Variants in ST3GAL1 observed in about 807,000 individuals in gnomAD.
The protein encoded by ST3GAL1 is ST3 beta-galactoside alpha-2,3-sialyltransferase 1.
A neutral mutation model predicts 34.1 loss-of-function variants in ST3GAL1; 16 were observed. That is an observed-to-expected ratio of 0.47 (90% CI 0.32 to 0.71). ST3GAL1 has a LOEUF of 0.71. Ranked by LOEUF, ST3GAL1 falls within the 30% of genes least tolerant of loss-of-function variation. ST3GAL1 has a pLI of 0.04. For missense variants in ST3GAL1, 353 were observed against 447.4 expected, an observed-to-expected ratio of 0.79 and a Z score of 1.90; for synonymous variants, 191 against 184.7, an observed-to-expected ratio of 1.03 and a Z score of -0.28.
At position 133,469,299 on chromosome 8, in the gene ST3GAL1, A is replaced by C. The variant is rs144356233; in HGVS notation, c.307-3209T>G. On this transcript the variant is annotated intron_variant, in intron 5 of 9. Coordinates refer to ENST00000522652, the MANE Select transcript of ST3GAL1 (RefSeq NM_173344.3). The surrounding 1 kb of genome is among the most constrained non-coding windows in gnomAD (Gnocchi z 4.3). ...AGTGGTGCGATCTCGGCTCACTGCA[A>C]CCTCTACCTCCTGGGTTCAAGGGAT... Among the ~76,000 whole-genome samples, 119 of 152,128 alleles carry C rather than the reference A, an allele frequency of 7.8e-4. No homozygotes were observed. The highest frequency in any genetic ancestry group is 3.4e-3 in the Middle Eastern group (1 of 294).
In ST3GAL1 at chr8:133,483,707, C is replaced by T. The variant is rs184950954; in HGVS notation, c.-373-7107G>A. On this transcript the variant is annotated intron_variant, in intron 3 of 9. Transcript: ENST00000522652. The stretch of plus-strand genomic sequence containing the variant: ...TCCCGTGGCCAAGACCTCCCAGGAC[C>T]TGCAGGAAGGAGCTCCTAACACACT... 1.2e-4 allele frequency among the ~76,000 whole-genome samples: 19 copies of T among 152,304 alleles called. No homozygotes were observed. In the East Asian group the frequency reaches 3.5e-3, roughly 28 times the overall value.
intron 5 of ST3GAL1, among the ~76,000 whole-genome samples, chr8:133,470,870 C>T (rs1050512010): frequency 2.0e-5 from 3 of 152,142 alleles, no homozygotes; most frequent in Admixed American, 6.5e-5. Context: ...ACCCTGCACT[C>T]GGGCATGATC....
chr8:133,526,306 G>A (rs1201956314), intron 2 of ST3GAL1, among the ~76,000 whole-genome samples: 1 of 152,106 alleles, frequency 6.6e-6, no homozygotes, highest in Non-Finnish European at 1.5e-5. Flanking sequence ...TCATTCCCCA[G>A]CCAGAGTCTG....
At chr8:133,532,681 T>C (rs1313050080) in intron 2 of ST3GAL1, among the ~76,000 whole-genome samples, 1 of 152,194 alleles carries the variant, frequency 6.6e-6, no homozygotes, top group African/African-American at 2.4e-5. Flanking sequence ...GCTCGTGTGA[T>C]GCCATACTCT....
intron 2 of ST3GAL1, among the ~76,000 whole-genome samples, chr8:133,527,955 G>A (rs925621571): frequency 3.3e-5 from 5 of 151,462 alleles, no homozygotes; most frequent in Non-Finnish European, 5.9e-5. Flanking sequence ...TGGGCAGATC[G>A]AAGTCAAGAG....
intron 3 of ST3GAL1, among the ~76,000 whole-genome samples, chr8:133,490,588 T>A (rs550258728): frequency 7.2e-5 from 11 of 152,136 alleles, no homozygotes; most frequent in Admixed American, 7.2e-4. Context: ...GGCATAGCAC[T>A]GATGGAGGAG....
rs373822897 is a variant in ST3GAL1, at chr8:133,466,773, C to T, written c.307-683G>A. The stretch of plus-strand genomic sequence containing the variant: ...GTTTGCTGGATGCACAAGGCTTCTG[C>T]GATCTGCCTAGCAAATTGTTTTCAT... On this transcript the variant is annotated intron_variant, in intron 5 of 9. Transcript: ENST00000522652. The surrounding 1 kb of genome is among the most constrained non-coding windows in gnomAD (Gnocchi z 4.4). Among the ~76,000 whole-genome samples the T allele has an allele frequency of 6.6e-6, 1 of 152,318 alleles. No individual in the cohort carries two copies. Among genetic ancestry groups the T allele is most frequent in the Middle Eastern group, 3.4e-3 (1 of 294 alleles).
chr8:133,540,593 G>A (rs535566240), intron 2 of ST3GAL1, among the ~76,000 whole-genome samples: 6 of 151,516 alleles, frequency 4.0e-5, no homozygotes, highest in East Asian at 3.9e-4. Context: ...TTTCCTGTCC[G>A]TCATGTGACT....
intron 2 of ST3GAL1, among the ~76,000 whole-genome samples, chr8:133,513,899 GAA>G (rs768065676): frequency 2.9e-5 from 4 of 137,102 alleles, no homozygotes; most frequent in Admixed American, 7.3e-5. Flanking sequence ...ACTCTGTCTG[GAA>G]AAAAAAAAAA....
In ST3GAL1 at chr8:133,541,112, T is replaced by TAA. The variant is rs1438213053; in HGVS notation, c.-429+4661_-429+4662insTT. Among the ~76,000 whole-genome samples, 18 of 40,728 alleles carry TAA rather than the reference T, an allele frequency of 4.4e-4. 2 individuals are homozygous for TAA. Among genetic ancestry groups the TAA allele is most frequent in the African/African-American group, 2.3e-3 (18 of 7,668 alleles). 26.7% of individuals were successfully genotyped at this position (40,728 alleles called of 152,430 possible). ...ATATATAAACATATATATATATATA[T>TAA]ATATATATAGAGAGAGAGAGAGAGA... On this transcript the variant is annotated intron_variant, in intron 2 of 9. Coordinates refer to ENST00000522652, the MANE Select transcript of ST3GAL1 (RefSeq NM_173344.3).
At chr8:133,476,925 G>T (rs1167709284) in intron 3 of ST3GAL1, among the ~76,000 whole-genome samples, 1 of 152,240 alleles carries the variant, frequency 6.6e-6, no homozygotes, top group African/African-American at 2.4e-5. Flanking sequence ...CACAGGAATT[G>T]TTAAATGCAT....
At chr8:133,529,221 T>G (rs1356240206) in intron 2 of ST3GAL1, among the ~76,000 whole-genome samples, 1 of 152,186 alleles carries the variant, frequency 6.6e-6, no homozygotes, top group Non-Finnish European at 1.5e-5. Flanking sequence ...GTGACGCAGA[T>G]GGAGAACGAC....
intron 1 of ST3GAL1, among the ~76,000 whole-genome samples, chr8:133,565,151 C>CTCTGTGTGTGTG (rs1554621404): frequency 7.2e-6 from 1 of 139,308 alleles, no homozygotes; most frequent in African/African-American, 2.7e-5. Flanking sequence ...CTCTGTGTGC[C>CTCTGTGTGTGTG]TGTGTGTGTG....
At position 133,571,375 on chromosome 8, in the gene ST3GAL1, C is replaced by T; in HGVS notation, c.-582+318G>A. 6.6e-6 allele frequency among the ~76,000 whole-genome samples: 1 copy of T among 152,200 alleles called. No homozygotes were observed. Among genetic ancestry groups the T allele is most frequent in the East Asian group, 1.9e-4 (1 of 5,178 alleles). ...TTGGCGTAGGTTCCCCACAGAGCTC[C>T]AGGCAGCTCCTCCAGTGTCGGCCGA... On this transcript the variant is annotated intron_variant, in intron 1 of 9. Coordinates refer to ENST00000522652, the MANE Select transcript of ST3GAL1 (RefSeq NM_173344.3). This position sits in a 1 kb window ranked among gnomAD's most constrained non-coding sequence, Gnocchi z 6.7.
intron 2 of ST3GAL1, among the ~76,000 whole-genome samples, chr8:133,520,124 T>C (rs1312958159): frequency 6.6e-6 from 1 of 152,144 alleles, no homozygotes; most frequent in Non-Finnish European, 1.5e-5. Context: ...GTAACGTTTG[T>C]GGGGGCTAAG....
In ST3GAL1 at chr8:133,486,631, G is replaced by A. The variant is rs577815883; in HGVS notation, c.-373-10031C>T. 3.2e-4 allele frequency among the ~76,000 whole-genome samples: 49 copies of A among 152,318 alleles called. No individual in the cohort carries two copies. In the South Asian group the frequency reaches 9.1e-3, roughly 28 times the overall value. The stretch of plus-strand genomic sequence containing the variant: ...CTGCAAGGTAAACAGGTGATGACAA[G>A]CTCCCTGTCAATGGCAGGACTGGGG... On this transcript the variant is annotated intron_variant, in intron 3 of 9. Coordinates refer to ENST00000522652, the MANE Select transcript of ST3GAL1 (RefSeq NM_173344.3).
At chr8:133,563,862 C>T (rs993111302) in intron 1 of ST3GAL1, among the ~76,000 whole-genome samples, 8 of 152,138 alleles carry the variant, frequency 5.3e-5, no homozygotes, top group African/African-American at 1.9e-4. Flanking sequence ...TTACTGCTAG[C>T]GCCTCTTCCT....
intron 3 of ST3GAL1, among the ~76,000 whole-genome samples, chr8:133,484,043 T>TG (rs1816490290): frequency 2.0e-5 from 3 of 152,192 alleles, no homozygotes; most frequent in South Asian, 2.1e-4. Context: ...AGTCTTGAAT[T>TG]GGGGGTCATC....
chr8:133,538,348 C>G (rs2978025), intron 2 of ST3GAL1, among the ~76,000 whole-genome samples: 3 of 152,174 alleles, frequency 2.0e-5, no homozygotes, highest in Non-Finnish European at 4.4e-5. Flanking sequence ...AACCCCATCT[C>G]TACTACAAAT....
Sources: gnomAD v4.1 joint callset for allele counts (sites outside exome capture counted in the v4.1 genomes callset) on GRCh38, gnomAD v4.1.1 for gene constraint, Gnocchi (gnomAD v3.1) non-coding constraint, MANE v1.5 for transcripts, NCBI Gene and HGNC (gene_info 2026-07-23, HGNC 2026-07-21) for gene names.